The following DPP6 variants were observed in gnomAD, a reference collection of about 807,000 sequenced individuals.
DPP6 encodes A-type potassium channel modulatory protein DPP6.
In DPP6, 69 loss-of-function variants were observed where a neutral mutation model predicts 122.6. The ratio of observed to expected loss-of-function variants is 0.56; its 90% CI spans 0.46 to 0.69. The LOEUF is 0.69. Among genes scored for constraint, DPP6 ranks in the 30% least tolerant of loss-of-function variants. The pLI is 0.00. For synonymous variants in DPP6, 418 were observed against 433.1 expected (o/e 0.97, Z 0.43); for missense variants, 928 against 1,116.9 (o/e 0.83, Z 2.41).
intron 1 of DPP6, among the ~76,000 whole-genome samples, chr7:154,328,742 A>G (rs913957282): frequency 5.3e-5 from 8 of 152,190 alleles, no homozygotes; most frequent in Admixed American, 5.2e-4. Flanking sequence ...GGCAGGAACC[A>G]GGTCTAGAAC....
chr7:154,122,455 T>G (rs148565197), intron 1 of DPP6, among the ~76,000 whole-genome samples: 132 of 152,362 alleles, frequency 8.7e-4, no homozygotes, highest in Non-Finnish European at 1.6e-3. Flanking sequence ...TCCCATCTAT[T>G]ATATAAAATA....
intron 1 of DPP6, among the ~76,000 whole-genome samples, chr7:154,286,598 A>G (rs1010500904): frequency 2.0e-5 from 3 of 152,136 alleles, no homozygotes; most frequent in Non-Finnish European, 4.4e-5. Flanking sequence ...GGTTGTTTGT[A>G]GCCAGTTGAC....
At chr7:154,418,577 C>T (rs1222619044) in intron 1 of DPP6, among the ~76,000 whole-genome samples, 1 of 152,052 alleles carries the variant, frequency 6.6e-6, no homozygotes, top group Non-Finnish European at 1.5e-5. Flanking sequence ...GTCAAATGTA[C>T]CTGAAACACA....
At chr7:154,634,430 G>T (rs1563040542) in intron 5 of DPP6, among the ~76,000 whole-genome samples, 1 of 151,978 alleles carries the variant, frequency 6.6e-6, no homozygotes, top group East Asian at 1.9e-4. Flanking sequence ...ATTTGGGTTG[G>T]TTCCTACCCA....
chr7:154,880,970 AC>A, intron 21 of DPP6, 28 bp downstream of exon 21: 1 of 1,611,450 alleles, frequency 6.2e-7, no homozygotes, highest in Non-Finnish European at 8.5e-7. Flanking sequence ...TGGTCTGAAA[AC>A]CCCTCAGTTC....
rs575974994 is a variant in DPP6 at position 154,129,948 on chromosome 7, C to T, written c.243+76885C>T. 1.4e-4 allele frequency among the ~76,000 whole-genome samples: 21 copies of T among 151,340 alleles called. No individual in the cohort carries two copies. In the South Asian group the frequency reaches 2.1e-3, roughly 15 times the overall value. ...AAAATTAGCTGGGCATGGTGACACA[C>T]GCCTGTAATCCCAGTTACTCAGGAG... On this transcript the variant is annotated intron_variant, in intron 1 of 25. Coordinates refer to ENST00000377770, the MANE Select transcript of DPP6 (RefSeq NM_130797.4).
chr7:154,267,743 ATATT>A (rs1388253336), intron 1 of DPP6, among the ~76,000 whole-genome samples: 4 of 72,662 alleles, frequency 5.5e-5, no homozygotes, highest in African/African-American at 2.2e-4. Context: ...GTGTGTGTAT[ATATT>A]TATCCCTTAT....
chr7:153,898,515 T>C (rs1304575521), intron 1 of DPP6, among the ~76,000 whole-genome samples: 3 of 152,178 alleles, frequency 2.0e-5, no homozygotes, highest in Non-Finnish European at 4.4e-5. Flanking sequence ...AAATGATCAC[T>C]GTTTGAGGTG....
Position 154,109,240 on chromosome 7 carries a change from G to A in DPP6, c.243+56177G>A, listed in dbSNP as rs551599234. ...ACAATTTTCAAAATTTTAATGAGGA[G>A]CATATGAAAATTATACTCTAGTATG... On this transcript the variant is annotated intron_variant, in intron 1 of 25. Transcript: ENST00000377770. Among the ~76,000 whole-genome samples, 9 of 152,340 alleles carry A rather than the reference G, an allele frequency of 5.9e-5. No homozygotes were observed. In the East Asian group the frequency reaches 1.5e-3, roughly 26 times the overall value.
chr7:154,430,865 C>T (rs1328058428), intron 1 of DPP6, among the ~76,000 whole-genome samples: 6 of 151,480 alleles, frequency 4.0e-5, no homozygotes, highest in African/African-American at 1.5e-4. Context: ...TGGAGGCAAA[C>T]CCAGGGATGT....
intron 1 of DPP6, among the ~76,000 whole-genome samples, chr7:154,412,633 C>A (rs2151208830): frequency 6.6e-6 from 1 of 152,240 alleles, no homozygotes. Flanking sequence ...AATGGAAATG[C>A]TTTACTTTCT....
the DPP6 span, among the ~76,000 whole-genome samples, chr7:153,793,264 C>T: frequency 0.016 from 2,411 of 151,584 alleles, 13 homozygotes; most frequent in Non-Finnish European, 0.023. Flanking sequence ...TGACCAAAAG[C>T]CTGATAGCAA....
chr7:154,885,134 C>T (rs1270126359), intron 21 of DPP6: 1 of 154,888 alleles, frequency 6.5e-6, no homozygotes, highest in East Asian at 1.9e-4. Context: ...GGGCAGGAGT[C>T]TAGGACTTAC....
chr7:154,827,320 T>C (rs769665936), intron 16 of DPP6, among the ~76,000 whole-genome samples: 1 of 151,876 alleles, frequency 6.6e-6, no homozygotes, highest in Non-Finnish European at 1.5e-5. Flanking sequence ...CCTCCTCCCC[T>C]TTTCCTCCCT....
intron 1 of DPP6, among the ~76,000 whole-genome samples, chr7:154,037,252 T>C (rs1185821523): frequency 2.0e-5 from 3 of 151,882 alleles, no homozygotes; most frequent in Admixed American, 2.0e-4. Flanking sequence ...GAGAAAAGAG[T>C]TCAGTTGGTT....
chr7:154,171,908 C>T (rs1797550926), intron 1 of DPP6, among the ~76,000 whole-genome samples: 1 of 152,138 alleles, frequency 6.6e-6, no homozygotes, highest in Admixed American at 6.5e-5. Flanking sequence ...TAATTTCTGT[C>T]TTAGTGTATT....
intron 5 of DPP6, among the ~76,000 whole-genome samples, chr7:154,570,604 C>A (rs1230986565): frequency 2.6e-5 from 4 of 152,120 alleles, no homozygotes; most frequent in Non-Finnish European, 5.9e-5. Context: ...AAGGAAAATA[C>A]CTCAGTTGTG....
intron 2 of DPP6, among the ~76,000 whole-genome samples, chr7:154,471,322 A>G (rs1378863462): frequency 4.6e-5 from 7 of 152,168 alleles, no homozygotes; most frequent in Non-Finnish European, 8.8e-5. Flanking sequence ...ACATACCTGG[A>G]TTGAAAGGGA....
At chr7:154,178,204 G>C (rs544965194) in intron 1 of DPP6, among the ~76,000 whole-genome samples, 4 of 152,262 alleles carry the variant, frequency 2.6e-5, no homozygotes, top group African/African-American at 9.6e-5. Context: ...CTGCTAATTT[G>C]AAGATTAAAC....
Sources: allele counts gnomAD v4.1 joint callset (sites outside exome capture counted in the v4.1 genomes callset), GRCh38; gene constraint gnomAD v4.1.1; transcripts MANE v1.5; gene names NCBI Gene and HGNC (gene_info 2026-07-23, HGNC 2026-07-21).